Variants in RELCH observed in about 807,000 individuals in gnomAD.
The protein encoded by RELCH is RAB11 binding and LisH domain, coiled-coil and HEAT repeat containing.
RELCH carries 41 observed loss-of-function variants against 150.3 expected under a neutral mutation model. The ratio of observed to expected loss-of-function variants is 0.27; its 90% CI spans 0.21 to 0.35. The LOEUF (loss-of-function observed/expected upper bound fraction) is 0.35. Among genes scored for constraint, RELCH ranks in the 10% least tolerant of loss-of-function variants. The pLI, the probability that RELCH is intolerant of heterozygous loss-of-function variation, is 1.00. For synonymous variants in RELCH, 478 were observed against 531.8 expected (o/e 0.90, Z 1.39); for missense variants, 1,092 against 1,467.8 (o/e 0.74, Z 4.18).
chr18:62,205,461 T>C (rs992306018), intron 1 of RELCH, among the ~76,000 whole-genome samples: 2 of 152,234 alleles, frequency 1.3e-5, no homozygotes, highest in African/African-American at 4.8e-5. Flanking sequence ...AAAAACTTCA[T>C]ATAAATGAAA....
At chr18:62,193,292 A>T (rs1294825453) in intron 1 of RELCH, among the ~76,000 whole-genome samples, 1 of 152,150 alleles carries the variant, frequency 6.6e-6, no homozygotes, top group Non-Finnish European at 1.5e-5. Context: ...GGTTTTCTAG[A>T]TACAGGATTG....
At chr18:62,295,971 G>A (rs1417460636) in intron 27 of RELCH, among the ~76,000 whole-genome samples, 2 of 152,068 alleles carry the variant, frequency 1.3e-5, no homozygotes, top group Admixed American at 1.3e-4. Flanking sequence ...TTTATTTCCA[G>A]TATTTCATAA....
intron 12 of RELCH, among the ~76,000 whole-genome samples, chr18:62,254,402 A>G (rs2042888260): frequency 6.6e-6 from 1 of 152,018 alleles, no homozygotes. Flanking sequence ...TAGTTTGTTC[A>G]TTGCTAATAT....
rs2045897926 is a variant in RELCH at position 62,306,947 on chromosome 18, A to G, written c.*1413A>G. 1 of 152,662 alleles carries G rather than the reference A, an allele frequency of 6.6e-6. No homozygotes were observed. The highest frequency in any genetic ancestry group is 1.5e-5 in the Non-Finnish European group (1 of 68,022). The allele number at this position is 152,662 out of a possible 1,614,324, so 9.5% of individuals were successfully genotyped here. On this transcript the variant is annotated 3_prime_UTR_variant, in exon 29 of 29. Coordinates refer to ENST00000644646, the MANE Select transcript of RELCH (RefSeq NM_001346231.2). ...AAAACAATTTGCCATAGGCAAAGCC[A>G]TTTAAAAAGTTCATTCTGAAATTAT...
chr18:62,281,067 C>T (rs1392350651), intron 24 of RELCH, among the ~76,000 whole-genome samples: 4 of 152,118 alleles, frequency 2.6e-5, no homozygotes, highest in Admixed American at 2.0e-4. Flanking sequence ...CTAAAAACCC[C>T]GGCTTCAGGC....
At chr18:62,189,388 AG>A (rs2038451642) in intron 1 of RELCH, among the ~76,000 whole-genome samples, 3 of 150,790 alleles carry the variant, frequency 2.0e-5, no homozygotes, top group Admixed American at 6.7e-5. Flanking sequence ...CTCCAGGCTT[AG>A]GTAGTTGCTT....
At chr18:62,240,567 C>T (rs1470836289) in intron 10 of RELCH, among the ~76,000 whole-genome samples, 1 of 151,758 alleles carries the variant, frequency 6.6e-6, no homozygotes, top group Non-Finnish European at 1.5e-5. Context: ...CACCACCACG[C>T]CCAGCTAATT....
chr18:62,192,083 C>T (rs1309054726), intron 1 of RELCH, among the ~76,000 whole-genome samples: 1 of 152,198 alleles, frequency 6.6e-6, no homozygotes, highest in Non-Finnish European at 1.5e-5. Context: ...TTAATAATCA[C>T]CATTCTGACT....
chr18:62,298,410 AG>A (rs2045518375), intron 27 of RELCH, among the ~76,000 whole-genome samples: 1 of 152,184 alleles, frequency 6.6e-6, no homozygotes, highest in Non-Finnish European at 1.5e-5. Context: ...GAGAAAGCAA[AG>A]GGGCGTAGAA....
Position 62,264,085 on chromosome 18 carries a change from A to G in RELCH, c.2447A>G (p.Tyr816Cys), listed in dbSNP as rs1568401045. 6.2e-7 allele frequency: 1 copy of G among 1,605,094 alleles called. No individual in the cohort carries two copies. The highest frequency in any genetic ancestry group is 8.5e-7 in the Non-Finnish European group (1 of 1,176,652). ...GCAGTGCTGCTGCAACTTTATGACT[A>G]CCAGCTAGAACAAGAGGGTACAACA... ...QLAVLLQLYDYQLEQEGTTGW... is the reference protein window; with the variant it reads ...QLAVLLQLYDCQLEQEGTTGW... The change falls in exon 17 of 29, where the codon TAC (tyrosine) becomes TGC (cysteine). Residue 816 changes from tyrosine to cysteine, a missense_variant. Tyr to Cys is a radical substitution (Grantham distance 194, BLOSUM62 -2). Coordinates refer to ENST00000644646, the MANE Select transcript of RELCH (RefSeq NM_001346231.2).
intron 12 of RELCH, among the ~76,000 whole-genome samples, chr18:62,254,216 C>A (rs995122388): frequency 6.6e-6 from 1 of 152,070 alleles, no homozygotes; most frequent in Non-Finnish European, 1.5e-5. Context: ...TATATTAAGT[C>A]TTTCATTCTA....
At position 62,244,952 on chromosome 18, in the gene RELCH, C is replaced by T. The variant is rs537693248; in HGVS notation, c.1733+76C>T. 121 of 951,410 alleles carry T rather than the reference C, an allele frequency of 1.3e-4. 1 individual carries two copies. The African/African-American group carries it at 1.8e-3, about 14-fold the overall frequency. 58.9% of individuals were successfully genotyped at this position (951,410 alleles called of 1,614,324 possible). A position where few individuals can be genotyped will look rare whatever the true frequency, so the allele number is the denominator to read the frequency against. The stretch of plus-strand genomic sequence containing the variant: ...TTAACTAATTAGGCATCAGGATTAG[C>T]ATTTGAATCTAAAATGCCTTCTTTC... On this transcript the variant is annotated intron_variant, in intron 11 of 28. Coordinates refer to ENST00000644646, the MANE Select transcript of RELCH (RefSeq NM_001346231.2).
At chr18:62,204,103 T>G (rs1413396932) in intron 1 of RELCH, among the ~76,000 whole-genome samples, 1 of 152,136 alleles carries the variant, frequency 6.6e-6, no homozygotes, top group Non-Finnish European at 1.5e-5. Context: ...GCAAAAAATT[T>G]GATGATATAC....
chr18:62,200,211 C>T (rs1280809640), intron 1 of RELCH, among the ~76,000 whole-genome samples: 1 of 152,176 alleles, frequency 6.6e-6, no homozygotes, highest in Non-Finnish European at 1.5e-5. Context: ...GGCTTGCTCA[C>T]AGATTAATTT....
At chr18:62,222,497 A>AAAGAGGAT (rs772168478) in intron 5 of RELCH, among the ~76,000 whole-genome samples, 27 of 151,934 alleles carry the variant, frequency 1.8e-4, no homozygotes, top group Non-Finnish European at 3.8e-4. Flanking sequence ...AAAAAGAGGA[A>AAAGAGGAT]AAGAGGAGCA....
chr18:62,299,525 C>A (rs1255312400), intron 28 of RELCH, among the ~76,000 whole-genome samples: 1 of 152,130 alleles, frequency 6.6e-6, no homozygotes, highest in African/African-American at 2.4e-5. Flanking sequence ...CACACACTCA[C>A]GCATACGCTC....
intron 11 of RELCH, among the ~76,000 whole-genome samples, chr18:62,247,896 G>T (rs746481330): frequency 6.6e-6 from 1 of 152,082 alleles, no homozygotes; most frequent in Non-Finnish European, 1.5e-5. Flanking sequence ...CCATTTGCAG[G>T]ATTGAAGGAT....
At chr18:62,211,355 T>C (rs992206158) in intron 2 of RELCH, 113 bp downstream of exon 2, 1 of 562,662 alleles carries the variant, frequency 1.8e-6, no homozygotes, top group South Asian at 2.7e-5. Flanking sequence ...ACATATATAG[T>C]TATTATACAA....
Position 62,275,406 on chromosome 18 carries a change from C to T in RELCH, c.2900C>T (p.Thr967Ile). Residue 967 changes from threonine to isoleucine, a missense_variant, in exon 22 of 29, where the codon ACT becomes ATT. Thr to Ile is a moderately conservative substitution (Grantham distance 89, BLOSUM62 -1). Around this residue, in one of 4 missense-constraint regions of RELCH, gnomAD observed 707 missense variants for 1,025.4 expected, o/e 0.69. Transcript: ENST00000644646. The part of the protein sequence containing the change: ...ANPAYHELLL[T>I]VLWYGVVHTS... ...CCAGCCTACCATGAGTTACTATTAACTGTTTTGTGGTATGGTGTTGTCCAT... is the reference window on the plus strand; with the variant it reads ...CCAGCCTACCATGAGTTACTATTAATTGTTTTGTGGTATGGTGTTGTCCAT... The T allele has an allele frequency of 1.3e-6, 2 of 1,546,564 alleles. No individual in the cohort carries two copies. The highest frequency in any genetic ancestry group is 1.7e-6 in the Non-Finnish European group (2 of 1,152,936).
Sources: gnomAD v4.1 joint callset for allele counts (sites outside exome capture counted in the v4.1 genomes callset) on GRCh38, gnomAD v4.1.1 for gene constraint, gnomAD v4.1.1 regional missense constraint, MANE v1.5 for transcripts, NCBI Gene and HGNC (gene_info 2026-07-23, HGNC 2026-07-21) for gene names.